Variants in ATP11A observed in about 807,000 individuals in gnomAD.
ATP11A encodes ATPase phospholipid transporting 11A.
In ATP11A, 81 loss-of-function variants were observed where a neutral mutation model predicts 154.4. That is an observed-to-expected ratio of 0.52 (90% CI 0.44 to 0.63). The LOEUF (loss-of-function observed/expected upper bound fraction) is 0.63. Among genes scored for constraint, ATP11A ranks in the 30% least tolerant of loss-of-function variants. The pLI is 0.00. For synonymous variants in ATP11A, 623 were observed against 585.9 expected (o/e 1.06, Z -0.91); for missense variants, 1,316 against 1,474.3 (o/e 0.89, Z 1.76).
At chr13:112,850,766 C>G (rs1021249149) in intron 17 of ATP11A, among the ~76,000 whole-genome samples, 2 of 152,090 alleles carry the variant, frequency 1.3e-5, no homozygotes, top group African/African-American at 4.8e-5. Context: ...TATTTCCAGG[C>G]TTTCTAGTCT....
At chr13:112,784,416 G>A (rs889438229) in intron 1 of ATP11A, among the ~76,000 whole-genome samples, 5 of 151,930 alleles carry the variant, frequency 3.3e-5, no homozygotes, top group African/African-American at 9.7e-5. Context: ...GTCAAGTCCC[G>A]CCTTCTACCC....
At chr13:112,878,181 A>T (rs1566608002) in intron 28 of ATP11A, 36 bp from the exon 29 acceptor site, 1 of 1,589,810 alleles carries the variant, frequency 6.3e-7, no homozygotes, top group Admixed American at 1.7e-5. Context: ...TTGTTCACAC[A>T]CCCCTGTGTG....
intron 1 of ATP11A, among the ~76,000 whole-genome samples, chr13:112,722,020 T>A (rs1441759606): frequency 6.6e-6 from 1 of 152,108 alleles, no homozygotes; most frequent in African/African-American, 2.4e-5. Context: ...CCCTGCAATC[T>A]GAAGGACGCT....
chr13:112,751,546 G>C lies in ATP11A; in HGVS notation c.40-33589G>C, dbSNP rs2076690377. Among the ~76,000 whole-genome samples, 3 of 152,212 alleles carry C rather than the reference G, an allele frequency of 2.0e-5. No homozygotes were observed. The East Asian group carries it at 5.8e-4, about 29-fold the overall frequency. On this transcript the variant is annotated intron_variant, in intron 1 of 29. Transcript: ENST00000375645. The stretch of plus-strand genomic sequence containing the variant: ...GTGGTGACGCGCACCTGTAATCCCA[G>C]CTACTAGGGAGGCTGAGGCATGAGA...
At chr13:112,775,817 C>T (rs903880659) in intron 1 of ATP11A, among the ~76,000 whole-genome samples, 6 of 152,234 alleles carry the variant, frequency 3.9e-5, no homozygotes, top group African/African-American at 1.2e-4. Context: ...CACACCTCCA[C>T]GGCCCTGGCG....
intron 16 of ATP11A, 21 bp from the exon 17 acceptor site, chr13:112,842,255 C>T: frequency 6.4e-7 from 1 of 1,561,354 alleles, no homozygotes; most frequent in Non-Finnish European, 8.8e-7. Flanking sequence ...GATTAAACTC[C>T]TCATTTTTCT....
rs199958128 is a variant in ATP11A at position 112,875,907 on chromosome 13, G to A, written c.3293G>A (p.Arg1098Gln). 1.5e-4 allele frequency: 249 copies of A among 1,612,744 alleles called. No homozygotes were observed. Among genetic ancestry groups the A allele is most frequent in the South Asian group, 1.9e-4 (17 of 91,070 alleles). Reference sequence around the variant, plus strand: ...GACGTCCTCAAGAAAGTCCTGTGCCGGCAGCTGTGGCCAACAGCAACAGAG... The same window carrying A: ...GACGTCCTCAAGAAAGTCCTGTGCCAGCAGCTGTGGCCAACAGCAACAGAG... Reference protein sequence around the residue: ...LPDVLKKVLCRQLWPTATERV... With the variant: ...LPDVLKKVLCQQLWPTATERV... Residue 1098 changes from arginine to glutamine, a missense_variant, in exon 28 of 30, where the codon CGG becomes CAG. Physicochemically the swap from Arg to Gln is conservative, Grantham distance 43. Around this residue, in one of 5 missense-constraint regions of ATP11A, gnomAD observed 294 missense variants for 290.2 expected, o/e 1.01. Coordinates refer to ENST00000375645, the MANE Select transcript of ATP11A (RefSeq NM_015205.3). The surrounding 1 kb of genome is among the most constrained non-coding windows in gnomAD (Gnocchi z 4.1).
At chr13:112,693,600 A>C (rs1252879430) in intron 1 of ATP11A, among the ~76,000 whole-genome samples, 3 of 151,842 alleles carry the variant, frequency 2.0e-5, no homozygotes, top group Non-Finnish European at 4.4e-5. Flanking sequence ...GTAGCATATG[A>C]GCCATGGGGT....
rs2080044614 is a variant in ATP11A, at chr13:112,859,722, C to T, written c.2727+270C>T. Among the ~76,000 whole-genome samples, 1 of 152,180 alleles carries T rather than the reference C, an allele frequency of 6.6e-6. No homozygotes were observed. The highest frequency in any genetic ancestry group is 6.5e-5 in the Admixed American group (1 of 15,292). On this transcript the variant is annotated intron_variant, in intron 23 of 29. Transcript: ENST00000375645. This position sits in a 1 kb window ranked among gnomAD's most constrained non-coding sequence, Gnocchi z 4.3. ...TGCGGGCCAGTGATGATGTGGTCTC[C>T]TCAGGGCCCAGCAGTGCTGGGCTGG...
Position 112,859,372 on chromosome 13 carries a change from C to T in ATP11A, c.2668-21C>T, listed in dbSNP as rs1012938465. On this transcript the variant is annotated intron_variant, in intron 22 of 29. Transcript: ENST00000375645. This position sits in a 1 kb window ranked among gnomAD's most constrained non-coding sequence, Gnocchi z 4.3. ...TCCCTCTGTCCCGTCACCGAACTAACAGTTATGCCTTGCCTTTCAGAACGT... is the reference window on the plus strand; with the variant it reads ...TCCCTCTGTCCCGTCACCGAACTAATAGTTATGCCTTGCCTTTCAGAACGT... 22 of 1,611,594 alleles carry T rather than the reference C, an allele frequency of 1.4e-5. No individual in the cohort carries two copies. Among genetic ancestry groups the T allele is most frequent in the African/African-American group, 4.0e-5 (3 of 74,872 alleles).
chr13:112,716,395 C>T (rs1319536307), intron 1 of ATP11A, among the ~76,000 whole-genome samples: 2 of 152,064 alleles, frequency 1.3e-5, no homozygotes, highest in African/African-American at 4.8e-5. Context: ...TAGTTTTTCA[C>T]TTCACGTGGC....
At position 112,885,516 on chromosome 13, in the gene ATP11A, A is replaced by G. The variant is rs2080963989; in HGVS notation, c.*3650A>G. ...GCACATGGACACACCCCAAACACGCACAGGCTCCTACACACATGCACACAC... is the reference window on the plus strand; with the variant it reads ...GCACATGGACACACCCCAAACACGCGCAGGCTCCTACACACATGCACACAC... On this transcript the variant is annotated 3_prime_UTR_variant, in exon 30 of 30. Coordinates refer to ENST00000375645, the MANE Select transcript of ATP11A (RefSeq NM_015205.3). 6.6e-6 allele frequency: 1 copy of G among 152,114 alleles called. No individual in the cohort carries two copies. Among genetic ancestry groups the G allele is most frequent in the Admixed American group, 6.5e-5 (1 of 15,276 alleles). 9.4% of individuals were successfully genotyped at this position (152,114 alleles called of 1,614,324 possible). A position where few individuals can be genotyped will look rare whatever the true frequency, so the allele number is the denominator to read the frequency against.
intron 1 of ATP11A, among the ~76,000 whole-genome samples, chr13:112,781,601 G>A (rs985516899): frequency 6.6e-6 from 1 of 152,098 alleles, no homozygotes; most frequent in Non-Finnish European, 1.5e-5. Flanking sequence ...GGGACCGGGC[G>A]CCCTGTCCCC....
At chr13:112,828,924 A>G (rs2079019130) in intron 12 of ATP11A, among the ~76,000 whole-genome samples, 1 of 152,232 alleles carries the variant, frequency 6.6e-6, no homozygotes, top group Non-Finnish European at 1.5e-5. Context: ...TTCACCCACC[A>G]GTCAAGCGTC....
rs564173477 is a variant in ATP11A, at chr13:112,879,107, T to C, written c.*9+804T>C. On this transcript the variant is annotated intron_variant, in intron 29 of 29. Transcript: ENST00000375645. ...CGTCCTGAAGTCGCGTTCTGTCTTT[T>C]AGCCGTGTGCTCCTGCACCAAATAC... Among the ~76,000 whole-genome samples, 17 of 152,380 alleles carry C rather than the reference T, an allele frequency of 1.1e-4. 1 individual carries two copies. In the South Asian group the frequency reaches 3.3e-3, roughly 30 times the overall value.
chr13:112,833,546 C>T (rs1487814787), intron 14 of ATP11A, among the ~76,000 whole-genome samples: 2 of 152,154 alleles, frequency 1.3e-5, no homozygotes, highest in South Asian at 2.1e-4. Flanking sequence ...TTTTCAAATC[C>T]ATCCAGCTCA....
At chr13:112,749,081 G>C (rs1161403261) in intron 1 of ATP11A, among the ~76,000 whole-genome samples, 1 of 152,202 alleles carries the variant, frequency 6.6e-6, no homozygotes, top group Admixed American at 6.5e-5. Flanking sequence ...GGGGCCCCAG[G>C]GCAGGTGGCT....
chr13:112,831,766 C>G (rs1474226519), intron 13 of ATP11A, among the ~76,000 whole-genome samples: 1 of 152,226 alleles, frequency 6.6e-6, no homozygotes, highest in East Asian at 1.9e-4. Context: ...ACCATAGAAG[C>G]AGGGCAAACA....
intron 1 of ATP11A, among the ~76,000 whole-genome samples, chr13:112,723,376 A>G (rs901347136): frequency 4.2e-4 from 19 of 45,682 alleles, no homozygotes; most frequent in African/African-American, 8.0e-4. Flanking sequence ...GGTTCAGGCT[A>G]TTCTCCTGCT....
Sources: allele counts gnomAD v4.1 joint callset (sites outside exome capture counted in the v4.1 genomes callset), GRCh38; gene constraint gnomAD v4.1.1; regional missense constraint gnomAD v4.1.1; non-coding constraint Gnocchi (gnomAD v3.1); transcripts MANE v1.5; gene names NCBI Gene and HGNC (gene_info 2026-07-23, HGNC 2026-07-21).